Variants in MAP3K7CL observed in about 807,000 individuals in gnomAD.
The protein encoded by MAP3K7CL is MAP3K7 C-terminal like, also known as MAP3K7 C-terminal-like protein.
MAP3K7CL carries 16 observed loss-of-function variants against 18.6 expected under a neutral mutation model. The ratio of observed to expected loss-of-function variants is 0.86; its 90% CI spans 0.58 to 1.31. MAP3K7CL has a LOEUF of 1.31. MAP3K7CL is among the 50% of genes most tolerant of loss of function. The pLI is 0.00. For synonymous variants in MAP3K7CL, 65 were observed against 66.8 expected, an observed-to-expected ratio of 0.97 and a Z score of 0.13; for missense variants, 163 against 174.4, an observed-to-expected ratio of 0.93 and a Z score of 0.37.
intron 4 of MAP3K7CL, among the ~76,000 whole-genome samples, chr21:29,113,861 G>A (rs1344506660): frequency 6.6e-6 from 1 of 152,002 alleles, no homozygotes; most frequent in African/African-American, 2.4e-5. Context: ...TCAATTGCTG[G>A]CCTGTTCAGT....
chr21:29,091,144 C>T (rs913231582), intron 1 of MAP3K7CL, among the ~76,000 whole-genome samples: 1 of 152,190 alleles, frequency 6.6e-6, no homozygotes, highest in Non-Finnish European at 1.5e-5. Flanking sequence ...GGCAACTGTA[C>T]TGGACAACAC....
intron 4 of MAP3K7CL, among the ~76,000 whole-genome samples, chr21:29,163,776 G>A (rs536788634): frequency 6.8e-6 from 1 of 147,850 alleles, no homozygotes; most frequent in South Asian, 2.1e-4. Context: ...GCTCACTGCA[G>A]CCTCAACCCC....
At chr21:29,109,903 C>T (rs2086390187) in intron 4 of MAP3K7CL, 1 of 549,128 alleles carries the variant, frequency 1.8e-6, no homozygotes, top group Non-Finnish European at 2.3e-6. Flanking sequence ...TCAGATTGCT[C>T]TCCAAGAAGA....
In MAP3K7CL at chr21:29,175,085, G is replaced by T. The variant is rs970245493; in HGVS notation, c.*193G>T. ...GGATATTTTAAATGAGATCATTAAC[G>T]TGAAACTATTACTAGTATATGTTTT... On this transcript the variant is annotated 3_prime_UTR_variant, in exon 5 of 5. Coordinates refer to ENST00000399928, the MANE Select transcript of MAP3K7CL (RefSeq NM_001286620.2). 2.1e-6 allele frequency: 1 copy of T among 477,986 alleles called. No individual in the cohort carries two copies. The highest frequency in any genetic ancestry group is 3.6e-6 in the Non-Finnish European group (1 of 275,672). The allele number at this position is 477,986 out of a possible 1,614,324, so 29.6% of individuals were successfully genotyped here.
chr21:29,114,551 T>C (rs1270809854), intron 4 of MAP3K7CL, among the ~76,000 whole-genome samples: 1 of 151,974 alleles, frequency 6.6e-6, no homozygotes, highest in Non-Finnish European at 1.5e-5. Flanking sequence ...CCACTACACC[T>C]GGCTAAGCTT....
upstream of MAP3K7CL, among the ~76,000 whole-genome samples, chr21:29,083,710 T>A (rs1280523539): frequency 6.6e-6 from 1 of 152,112 alleles, no homozygotes; most frequent in Non-Finnish European, 1.5e-5. Flanking sequence ...TCTTAACATT[T>A]GGTTTTACTA....
chr21:29,148,515 C>T (rs2087196403), intron 2 of MAP3K7CL, among the ~76,000 whole-genome samples: 1 of 152,200 alleles, frequency 6.6e-6, no homozygotes, highest in Non-Finnish European at 1.5e-5. Context: ...GCAACAGCTG[C>T]CTATTGCCAA....
At chr21:29,118,505 A>G (rs1000504140) in intron 4 of MAP3K7CL, among the ~76,000 whole-genome samples, 1 of 152,096 alleles carries the variant, frequency 6.6e-6, no homozygotes, top group African/African-American at 2.4e-5. Context: ...TGGGGGTGAC[A>G]GTGGGATGGT....
chr21:29,085,876 G>C (rs942570262), exon 1 of MAP3K7CL: 1 of 1,614,138 alleles, frequency 6.2e-7, no homozygotes, highest in Non-Finnish European at 8.5e-7. Context: ...TCAGCTGATT[G>C]CACCTTTAGA....
At chr21:29,123,931 C>A (rs1042977748) in intron 4 of MAP3K7CL, among the ~76,000 whole-genome samples, 6 of 152,046 alleles carry the variant, frequency 3.9e-5, no homozygotes, top group African/African-American at 1.4e-4. Flanking sequence ...TGCTGTTAGT[C>A]CTTCTAGGTT....
chr21:29,137,956 A>T (rs1159885874), intron 2 of MAP3K7CL, among the ~76,000 whole-genome samples: 2 of 152,210 alleles, frequency 1.3e-5, no homozygotes, highest in Non-Finnish European at 2.9e-5. Flanking sequence ...TTATAATGGT[A>T]CAAAGTGATG....
chr21:29,122,261 A>AC (rs2086606758), intron 4 of MAP3K7CL: 1 of 152,214 alleles, frequency 6.6e-6, no homozygotes, highest in African/African-American at 2.4e-5. Context: ...TGTCAGCGGG[A>AC]GCAGAACTTT....
Position 29,159,998 on chromosome 21 carries a change from C to T in MAP3K7CL, c.190C>T (p.Gln64Ter), listed in dbSNP as rs1380229292. The T allele has an allele frequency of 6.2e-7, 1 of 1,614,106 alleles. No homozygotes were observed. The highest frequency in any genetic ancestry group is 8.5e-7 in the Non-Finnish European group (1 of 1,179,960). The change falls in exon 4 of 5, where the codon CAA (glutamine) becomes TAA (stop). Residue 64 changes from glutamine (Q) to a stop codon, truncating the protein, a stop_gained. Transcript: ENST00000399928. LOFTEE classifies it high-confidence loss of function. The part of the protein sequence containing the change: ...ESMEVFKQHC[Q>*]IAEEYHEVKK... ...CATGGAGGTGTTCAAACAGCACTGC[C>T]AAATAGCAGAAGAATACCATGAGGT...
At chr21:29,083,545 A>G (rs575002232), upstream of MAP3K7CL, among the ~76,000 whole-genome samples, 1 of 141,650 alleles carries the variant, frequency 7.1e-6, no homozygotes, top group Admixed American at 7.2e-5. Context: ...GGAAAAATTT[A>G]TCTCAGCATT....
At chr21:29,112,845 T>C (rs1173270220) in intron 4 of MAP3K7CL, among the ~76,000 whole-genome samples, 1 of 151,920 alleles carries the variant, frequency 6.6e-6, no homozygotes, top group African/African-American at 2.4e-5. Context: ...TTTTTTGAGA[T>C]GGAGTCTCAC....
At chr21:29,103,458 C>T (rs755797810) in intron 4 of MAP3K7CL, among the ~76,000 whole-genome samples, 3 of 151,954 alleles carry the variant, frequency 2.0e-5, no homozygotes, top group Middle Eastern at 3.4e-3. Flanking sequence ...CAGTCAGACG[C>T]GGTGGCTCAT....
chr21:29,083,723 T>C (rs888780705), upstream of MAP3K7CL, among the ~76,000 whole-genome samples: 1 of 152,110 alleles, frequency 6.6e-6, no homozygotes, highest in African/African-American at 2.4e-5. Flanking sequence ...TTTTACTATT[T>C]TCCTGATTGT....
chr21:29,077,907 C>A (rs1321038151), intron 1 of MAP3K7CL, among the ~76,000 whole-genome samples: 1 of 152,204 alleles, frequency 6.6e-6, no homozygotes, highest in Non-Finnish European at 1.5e-5. Flanking sequence ...TCCAGGAGAG[C>A]TAAAAGCCGT....
chr21:29,102,816 G>A (rs1396897188), intron 4 of MAP3K7CL, among the ~76,000 whole-genome samples: 3 of 152,128 alleles, frequency 2.0e-5, no homozygotes, highest in Non-Finnish European at 4.4e-5. Flanking sequence ...GACTCTGGGG[G>A]AAGCTGCCAT....
Sources: gnomAD v4.1 joint callset for allele counts (sites outside exome capture counted in the v4.1 genomes callset) on GRCh38, gnomAD v4.1.1 for gene constraint, MANE v1.5 for transcripts, NCBI Gene and HGNC (gene_info 2026-07-23, HGNC 2026-07-21) for gene names.